PTPRM: variants seen among roughly 807,000 people sequenced by gnomAD.
The protein encoded by PTPRM is receptor-type tyrosine-protein phosphatase mu.
In PTPRM, 47 loss-of-function variants were observed where a neutral mutation model predicts 186.7. The observed-to-expected ratio is 0.25, with a 90% CI of 0.20 to 0.32. The LOEUF (loss-of-function observed/expected upper bound fraction) is 0.32. PTPRM is among the 10% of genes least tolerant of loss of function. The pLI, the probability that PTPRM is intolerant of heterozygous loss-of-function variation, is 1.00. For synonymous variants in PTPRM, 668 were observed against 674.9 expected (o/e 0.99, Z 0.16); for missense variants, 1,494 against 1,865.0 (o/e 0.80, Z 3.66).
At chr18:8,175,875 A>G (rs771238504) in intron 14 of PTPRM, among the ~76,000 whole-genome samples, 1 of 152,218 alleles carries the variant, frequency 6.6e-6, no homozygotes, top group African/African-American at 2.4e-5. Flanking sequence ...CTGAAAATGT[A>G]AAGCAGATTT....
At position 8,282,423 on chromosome 18, in the gene PTPRM, A is replaced by G. The variant is rs562112420; in HGVS notation, c.2755-13945A>G. Among the ~76,000 whole-genome samples, 9 of 152,238 alleles carry G rather than the reference A, an allele frequency of 5.9e-5. No individual in the cohort carries two copies. In the East Asian group the frequency reaches 1.7e-3, roughly 29 times the overall value. ...TACACCTGTAATTCCAGCACTTTGG[A>G]AGGCTGAGGTGGGTGGATCACCTGA... is the stretch of plus-strand genomic sequence containing the variant. On this transcript the variant is annotated intron_variant, in intron 19 of 32. Transcript: ENST00000580170.
chr18:7,924,152 C>T lies in PTPRM; in HGVS notation c.548-2416C>T, dbSNP rs142557815. ...AGTGATGATAGTAGTGTCACAGCCA[C>T]GGTTACTCCCTGGAGCAGAATGTGG... On this transcript the variant is annotated intron_variant, in intron 4 of 32. Coordinates refer to ENST00000580170, the MANE Select transcript of PTPRM (RefSeq NM_001105244.2). Among the ~76,000 whole-genome samples the T allele has an allele frequency of 2.3e-3, 352 of 152,286 alleles. 2 individuals carry two copies. The highest frequency in any genetic ancestry group is 7.6e-3 in the African/African-American group (315 of 41,554).
chr18:7,777,814 AC>A (rs1172078643), intron 2 of PTPRM, among the ~76,000 whole-genome samples: 1 of 152,142 alleles, frequency 6.6e-6, no homozygotes, highest in East Asian at 1.9e-4. Flanking sequence ...ATTTTTTAGT[AC>A]CTAAATCTTT....
At chr18:8,047,668 CA>C (rs1245096546) in intron 7 of PTPRM, among the ~76,000 whole-genome samples, 2 of 152,004 alleles carry the variant, frequency 1.3e-5, no homozygotes, top group African/African-American at 4.8e-5. Context: ...CCCTCATCCC[CA>C]ATAGTGCTCC....
chr18:7,843,375 T>C (rs1346002816), intron 2 of PTPRM, among the ~76,000 whole-genome samples: 1 of 152,214 alleles, frequency 6.6e-6, no homozygotes, highest in Non-Finnish European at 1.5e-5. Context: ...TTTGTATCAC[T>C]ATTACAGGGG....
chr18:7,855,124 C>A (rs1479878541), intron 2 of PTPRM, among the ~76,000 whole-genome samples: 1 of 152,128 alleles, frequency 6.6e-6, no homozygotes. Flanking sequence ...GTGTTTTCTT[C>A]TCCTTCTCCC....
intron 17 of PTPRM, chr18:8,251,535 T>A (rs931470147): frequency 5.9e-5 from 9 of 152,228 alleles, no homozygotes; most frequent in Non-Finnish European, 1.2e-4. Context: ...ACTTGCTAAA[T>A]TTCAAAGCAA....
chr18:8,166,199 C>T (rs1377888176), intron 14 of PTPRM, among the ~76,000 whole-genome samples: 2 of 152,282 alleles, frequency 1.3e-5, no homozygotes, highest in South Asian at 2.1e-4. Flanking sequence ...GGTTTCTCCT[C>T]CCAGCTCTGA....
At chr18:7,691,006 A>C (rs975178177) in intron 1 of PTPRM, among the ~76,000 whole-genome samples, 2 of 152,240 alleles carry the variant, frequency 1.3e-5, no homozygotes, top group Admixed American at 1.3e-4. Flanking sequence ...CCTATAACAC[A>C]GAAAAATATT....
intron 1 of PTPRM, among the ~76,000 whole-genome samples, chr18:7,636,804 A>G (rs1463086880): frequency 1.3e-5 from 2 of 152,228 alleles, no homozygotes; most frequent in African/African-American, 2.4e-5. Flanking sequence ...GAGTGAGGAC[A>G]TTGAAGAGAA....
intron 1 of PTPRM, among the ~76,000 whole-genome samples, chr18:7,717,259 C>G (rs1282768243): frequency 6.6e-6 from 1 of 152,122 alleles, no homozygotes; most frequent in Non-Finnish European, 1.5e-5. Flanking sequence ...ACCCCATCCT[C>G]TGCCCGTAAA....
chr18:8,353,587 C>T (rs1568812078), intron 23 of PTPRM, among the ~76,000 whole-genome samples: 1 of 152,008 alleles, frequency 6.6e-6, no homozygotes, highest in Non-Finnish European at 1.5e-5. Flanking sequence ...GGGTTTCTAC[C>T]ACTGTGACTT....
At chr18:7,843,309 T>G (rs1254450327) in intron 2 of PTPRM, among the ~76,000 whole-genome samples, 2 of 152,222 alleles carry the variant, frequency 1.3e-5, no homozygotes, top group Admixed American at 6.5e-5. Context: ...TCTCCATTGT[T>G]AAGCAGCTGG....
chr18:7,868,725 T>G (rs759683567), intron 2 of PTPRM, among the ~76,000 whole-genome samples: 1 of 152,230 alleles, frequency 6.6e-6, no homozygotes, highest in Non-Finnish European at 1.5e-5. Flanking sequence ...GCTTGAGCTC[T>G]GTGCTGGGAG....
At chr18:8,403,611 T>C (rs1280900995) in intron 32 of PTPRM, 1 of 152,218 alleles carries the variant, frequency 6.6e-6, no homozygotes, top group Non-Finnish European at 1.5e-5. Flanking sequence ...TGTCATTCAC[T>C]GGTTTTCAGT....
intron 7 of PTPRM, among the ~76,000 whole-genome samples, chr18:8,065,727 A>G (rs949326055): frequency 3.3e-5 from 5 of 152,216 alleles, no homozygotes; most frequent in Non-Finnish European, 1.5e-5. Context: ...TAGTGGTCCT[A>G]TGAATACCAT....
At chr18:7,574,948 C>A (rs2036650456) in intron 1 of PTPRM, among the ~76,000 whole-genome samples, 1 of 152,150 alleles carries the variant, frequency 6.6e-6, no homozygotes, top group Non-Finnish European at 1.5e-5. Context: ...AGGAGAATGG[C>A]GTGAACCCGG....
intron 19 of PTPRM, among the ~76,000 whole-genome samples, chr18:8,288,957 C>T (rs550841228): frequency 3.9e-5 from 6 of 152,256 alleles, no homozygotes; most frequent in Non-Finnish European, 5.9e-5. Context: ...ACGTGGTAAC[C>T]AGAAATCCTT....
intron 5 of PTPRM, among the ~76,000 whole-genome samples, chr18:7,941,893 A>G (rs1332558047): frequency 2.6e-5 from 4 of 152,220 alleles, no homozygotes; most frequent in Non-Finnish European, 2.9e-5. Context: ...ATGGTTCGAC[A>G]CTGGAGGAAG....
Sources: allele counts gnomAD v4.1 joint callset (sites outside exome capture counted in the v4.1 genomes callset), GRCh38; gene constraint gnomAD v4.1.1; transcripts MANE v1.5; gene names NCBI Gene and HGNC (gene_info 2026-07-23, HGNC 2026-07-21).